TBC1D19: variants seen among roughly 807,000 people sequenced by gnomAD.
TBC1D19 encodes the protein TBC1 domain family member 19, also known as TBC1 domain family, member 19.
TBC1D19 carries 60 observed loss-of-function variants against 89.0 expected under a neutral mutation model. That is an observed-to-expected ratio of 0.67 (90% CI 0.55 to 0.84). The LOEUF (loss-of-function observed/expected upper bound fraction) is 0.84, where lower values mean the gene tolerates loss of function less well. Ranked by LOEUF, TBC1D19 falls within the 40% of genes least tolerant of loss-of-function variation. The pLI is 0.00. For missense variants in TBC1D19, 500 were observed against 610.8 expected, an observed-to-expected ratio of 0.82 and a Z score of 1.91; for synonymous variants, 189 against 199.7, an observed-to-expected ratio of 0.95 and a Z score of 0.45.
chr4:26,576,846 T>C (rs1308195381), intron 1 of TBC1D19: 2 of 456,098 alleles, frequency 4.4e-6, no homozygotes, highest in Admixed American at 4.7e-5. Flanking sequence ...GGCTATGTCA[T>C]GAACCTGTTG....
At chr4:26,796,575 T>C in the TBC1D19 span, among the ~76,000 whole-genome samples, 1 of 152,142 alleles carries the variant, frequency 6.6e-6, no homozygotes, top group African/African-American at 2.4e-5. Context: ...GGTTCATGCC[T>C]GTAATGTCAG....
At chr4:26,774,288 C>A in the TBC1D19 span, among the ~76,000 whole-genome samples, 1 of 152,200 alleles carries the variant, frequency 6.6e-6, no homozygotes, top group African/African-American at 2.4e-5. Flanking sequence ...TAGTTTTTTG[C>A]CTTAATCAGC....
chr4:26,721,205 C>T (rs1049642878), intron 15 of TBC1D19, among the ~76,000 whole-genome samples: 1 of 151,964 alleles, frequency 6.6e-6, no homozygotes, highest in African/African-American at 2.4e-5. Context: ...CCATAACTAC[C>T]TAAAGCTTAA....
chr4:26,683,989 A>G (rs1713587174), intron 12 of TBC1D19, among the ~76,000 whole-genome samples: 1 of 152,058 alleles, frequency 6.6e-6, no homozygotes. Context: ...CTATTTTTTG[A>G]TTAAGATAAG....
chr4:26,632,453 T>C (rs921998394), intron 4 of TBC1D19, among the ~76,000 whole-genome samples: 6 of 151,928 alleles, frequency 3.9e-5, no homozygotes, highest in Non-Finnish European at 7.4e-5. Context: ...ATATACTTAT[T>C]ATTTATTAAG....
chr4:26,793,722 C>CAAA, the TBC1D19 span, among the ~76,000 whole-genome samples: 26 of 78,960 alleles, frequency 3.3e-4, no homozygotes, highest in South Asian at 2.1e-3. Flanking sequence ...GACTTCGTCT[C>CAAA]AAAAAAAAAA....
intron 9 of TBC1D19, among the ~76,000 whole-genome samples, chr4:26,667,344 T>C (rs1711902013): frequency 6.6e-6 from 1 of 152,034 alleles, no homozygotes; most frequent in South Asian, 2.1e-4. Flanking sequence ...GAAGCCCTCC[T>C]CCTACCCTCT....
At chr4:26,587,901 T>G (rs1055464228) in intron 1 of TBC1D19, among the ~76,000 whole-genome samples, 10 of 152,122 alleles carry the variant, frequency 6.6e-5, no homozygotes, top group African/African-American at 2.4e-4. Flanking sequence ...GTTGCCGCAC[T>G]TAATTTATTT....
chr4:26,622,098 G>A (rs1046054175), intron 4 of TBC1D19, among the ~76,000 whole-genome samples: 9 of 152,054 alleles, frequency 5.9e-5, no homozygotes, highest in Admixed American at 1.3e-4. Context: ...CTGTTGTGGG[G>A]TGGGGGGAGA....
At chr4:26,607,521 A>G (rs1741088270) in intron 1 of TBC1D19, among the ~76,000 whole-genome samples, 2 of 152,208 alleles carry the variant, frequency 1.3e-5, no homozygotes, top group Non-Finnish European at 2.9e-5. Context: ...TGAACAAGCT[A>G]GTAAATTAGG....
At chr4:26,807,939 A>G in the TBC1D19 span, among the ~76,000 whole-genome samples, 1 of 152,218 alleles carries the variant, frequency 6.6e-6, no homozygotes, top group African/African-American at 2.4e-5. Context: ...AGTGACAGGG[A>G]AACTGAGGCA....
intron 7 of TBC1D19, among the ~76,000 whole-genome samples, chr4:26,646,412 C>G (rs1198555278): frequency 6.6e-6 from 1 of 152,144 alleles, no homozygotes; most frequent in Admixed American, 6.5e-5. Flanking sequence ...GGTGATTCCT[C>G]AAGGATCTAG....
At chr4:26,793,593 A>G in the TBC1D19 span, among the ~76,000 whole-genome samples, 1 of 151,926 alleles carries the variant, frequency 6.6e-6, no homozygotes, top group Non-Finnish European at 1.5e-5. Context: ...CATGGTGACG[A>G]GTGCCTGTAA....
At chr4:26,698,508 A>G (rs900588799) in intron 13 of TBC1D19, among the ~76,000 whole-genome samples, 1 of 152,176 alleles carries the variant, frequency 6.6e-6, no homozygotes, top group Non-Finnish European at 1.5e-5. Context: ...ATTGGAAAAA[A>G]CTACTTTAAA....
chr4:26,627,962 A>G (rs1387180163), intron 4 of TBC1D19, among the ~76,000 whole-genome samples: 1 of 152,188 alleles, frequency 6.6e-6, no homozygotes, highest in Non-Finnish European at 1.5e-5. Context: ...GTCTTTGCCC[A>G]TGCCTATGTC....
At chr4:26,828,618 G>T in the TBC1D19 span, among the ~76,000 whole-genome samples, 249 of 152,242 alleles carry the variant, frequency 1.6e-3, 2 homozygotes, top group Non-Finnish European at 3.3e-3. Context: ...GTGTGGGCTC[G>T]GGAGCACCCC....
At chr4:26,701,422 T>G (rs1715322185) in intron 13 of TBC1D19, among the ~76,000 whole-genome samples, 1 of 152,210 alleles carries the variant, frequency 6.6e-6, no homozygotes, top group South Asian at 2.1e-4. Context: ...TATTTGATTA[T>G]TTTATAATTG....
intron 17 of TBC1D19, 79 bp from the exon 18 acceptor site, chr4:26,742,429 C>T: frequency 1.1e-5 from 13 of 1,200,478 alleles, no homozygotes; most frequent in South Asian, 1.7e-5. Flanking sequence ...TCTCATTTTC[C>T]ATTTGAATAA....
chr4:26,613,059 G>T, intron 1 of TBC1D19, 110 bp from the exon 2 acceptor site: 1 of 772,154 alleles, frequency 1.3e-6, no homozygotes, highest in South Asian at 1.8e-5. Flanking sequence ...ATACATTTTT[G>T]AACACTCCTT....
Sources: allele counts gnomAD v4.1 joint callset (sites outside exome capture counted in the v4.1 genomes callset), GRCh38; gene constraint gnomAD v4.1.1; transcripts MANE v1.5; gene names NCBI Gene and HGNC (gene_info 2026-07-23, HGNC 2026-07-21).